Variants in ATP11A observed in about 807,000 individuals in gnomAD.
The protein encoded by ATP11A is phospholipid-transporting ATPase IH.
ATP11A carries 81 observed loss-of-function variants against 154.4 expected under a neutral mutation model. The observed-to-expected ratio is 0.52, with a 90% CI of 0.44 to 0.63. The LOEUF is 0.63. ATP11A is among the 30% of genes least tolerant of loss of function. The pLI is 0.00. For synonymous variants in ATP11A, 623 were observed against 585.9 expected, an observed-to-expected ratio of 1.06 and a Z score of -0.91; for missense variants, 1,316 against 1,474.3, an observed-to-expected ratio of 0.89 and a Z score of 1.76.
rs529050696 is a variant in ATP11A, at chr13:112,693,678, G to A, written c.39+3223G>A. On this transcript the variant is annotated intron_variant, in intron 1 of 29. Coordinates refer to ENST00000375645, the MANE Select transcript of ATP11A (RefSeq NM_015205.3). ...CTTTAAAAGCACTTCTAGGCCAGGC[G>A]CGGTGGCTCATGCCTGTAATCCCAG... 2.6e-4 allele frequency among the ~76,000 whole-genome samples: 40 copies of A among 152,224 alleles called. No individual in the cohort carries two copies. In the South Asian group the frequency reaches 7.7e-3, roughly 29 times the overall value.
At position 112,753,542 on chromosome 13, in the gene ATP11A, T is replaced by G. The variant is rs2076747677; in HGVS notation, c.40-31593T>G. On this transcript the variant is annotated intron_variant, in intron 1 of 29. Transcript: ENST00000375645. This position sits in a 1 kb window ranked among gnomAD's most constrained non-coding sequence, Gnocchi z 4.1. The stretch of plus-strand genomic sequence containing the variant: ...TTGTGGTTTTATCTTGTACTTCTCC[T>G]GCTAACAGGCAGGTTGAGAATCTTT... Among the ~76,000 whole-genome samples, 1 of 152,236 alleles carries G rather than the reference T, an allele frequency of 6.6e-6. No homozygotes were observed. The highest frequency in any genetic ancestry group is 2.1e-4 in the South Asian group (1 of 4,832).
chr13:112,756,012 A>G (rs982240614), intron 1 of ATP11A, among the ~76,000 whole-genome samples: 3 of 152,010 alleles, frequency 2.0e-5, no homozygotes, highest in African/African-American at 7.2e-5. Context: ...AACGGCACTC[A>G]GAGCGGCTCC....
At chr13:112,836,028 G>A (rs2079224933) in intron 15 of ATP11A, 150 bp from the exon 16 acceptor site, 4 of 523,812 alleles carry the variant, frequency 7.6e-6, no homozygotes, top group Admixed American at 3.5e-5. Context: ...ATCCATGGGA[G>A]GACACCCCTC....
At chr13:112,761,122 C>G (rs34618332) in intron 1 of ATP11A, among the ~76,000 whole-genome samples, 3 of 152,130 alleles carry the variant, frequency 2.0e-5, no homozygotes, top group African/African-American at 4.8e-5. Context: ...CTCCCCACCC[C>G]CCTTATGGCC....
intron 1 of ATP11A, among the ~76,000 whole-genome samples, chr13:112,695,829 C>T (rs975082156): frequency 1.3e-5 from 2 of 152,168 alleles, no homozygotes; most frequent in Non-Finnish European, 2.9e-5. Flanking sequence ...AAGTCCCAGA[C>T]TTATCAATGT....
At chr13:112,825,268 G>T (rs968038887) in intron 10 of ATP11A, among the ~76,000 whole-genome samples, 162 bp from the exon 11 acceptor site, 1 of 152,166 alleles carries the variant, frequency 6.6e-6, no homozygotes, top group African/African-American at 2.4e-5. Flanking sequence ...CCATGGCATG[G>T]ACGCAAGTGC....
intron 1 of ATP11A, among the ~76,000 whole-genome samples, chr13:112,766,410 G>A (rs1225029942): frequency 6.6e-6 from 1 of 152,184 alleles, no homozygotes; most frequent in Non-Finnish European, 1.5e-5. Flanking sequence ...CTGTGCTGGG[G>A]GGAGAAGCCC....
intron 17 of ATP11A, among the ~76,000 whole-genome samples, chr13:112,849,524 CTTG>C (rs1270536652): frequency 6.6e-6 from 1 of 152,150 alleles, no homozygotes; most frequent in African/African-American, 2.4e-5. Context: ...AAACCATTTT[CTTG>C]TTATGTAATT....
At chr13:112,789,074 C>T (rs548993308) in intron 2 of ATP11A, among the ~76,000 whole-genome samples, 1 of 151,876 alleles carries the variant, frequency 6.6e-6, no homozygotes, top group Non-Finnish European at 1.5e-5. Context: ...GATGTGTAGA[C>T]CCCTGTGTAG....
chr13:112,837,166 T>C (rs1458407312), intron 16 of ATP11A, among the ~76,000 whole-genome samples: 3 of 152,124 alleles, frequency 2.0e-5, no homozygotes, highest in African/African-American at 4.8e-5. Flanking sequence ...TGCATGGCCA[T>C]CACTTCCTAA....
chr13:112,748,615 C>T (rs183484622), intron 1 of ATP11A, among the ~76,000 whole-genome samples: 38 of 152,238 alleles, frequency 2.5e-4, no homozygotes, highest in Non-Finnish European at 4.7e-4. Context: ...ATCCATTCGC[C>T]GAGGCCTCCA....
At chr13:112,719,285 A>G (rs967965582) in intron 1 of ATP11A, among the ~76,000 whole-genome samples, 1 of 152,246 alleles carries the variant, frequency 6.6e-6, no homozygotes, top group Non-Finnish European at 1.5e-5. Context: ...CACCAGAGGC[A>G]ACACAAAAGC....
Position 112,881,723 on chromosome 13 carries a change from A to G in ATP11A, c.*10-153A>G, listed in dbSNP as rs2080889687. The G allele has an allele frequency of 5.4e-6, 7 of 1,308,166 alleles. No homozygotes were observed. In the Admixed American group the frequency reaches 8.1e-5, roughly 15 times the overall value. 81.0% of individuals were successfully genotyped at this position (1,308,166 alleles called of 1,614,324 possible). A position where few individuals can be genotyped will look rare whatever the true frequency, so the allele number is the denominator to read the frequency against. ...AGTCTAGCAGTTCCTGCAGGAGGCG[A>G]TGGTAGTGAGTGCATCCCAGAGTGG... On this transcript the variant is annotated intron_variant, in intron 29 of 29. Coordinates refer to ENST00000375645, the MANE Select transcript of ATP11A (RefSeq NM_015205.3).
chr13:112,826,522 G>A (rs531977839), intron 11 of ATP11A, among the ~76,000 whole-genome samples, 172 bp from the exon 12 acceptor site: 38 of 151,854 alleles, frequency 2.5e-4, no homozygotes, highest in African/African-American at 8.8e-4. Context: ...CAGAGACCAG[G>A]TGACCCAGTG....
At chr13:112,712,302 C>T (rs1887853140) in intron 1 of ATP11A, among the ~76,000 whole-genome samples, 1 of 152,200 alleles carries the variant, frequency 6.6e-6, no homozygotes, top group Non-Finnish European at 1.5e-5. Context: ...ACAAAACGCT[C>T]CCTCCATGGT....
At chr13:112,831,658 G>A (rs886507767) in intron 13 of ATP11A, 110 bp downstream of exon 13, 31 of 1,263,192 alleles carry the variant, frequency 2.5e-5, no homozygotes, top group Admixed American at 1.1e-4. Flanking sequence ...CCCTCTCTAC[G>A]GACTTCAGTG....
chr13:112,740,742 C>A (rs756864660), intron 1 of ATP11A, among the ~76,000 whole-genome samples: 2 of 152,178 alleles, frequency 1.3e-5, no homozygotes, highest in Non-Finnish European at 2.9e-5. Context: ...ACAGATCCCA[C>A]GGGAGGACTT....
At chr13:112,808,975 C>T (rs745703259) in intron 4 of ATP11A, among the ~76,000 whole-genome samples, 3 of 152,208 alleles carry the variant, frequency 2.0e-5, no homozygotes, top group Non-Finnish European at 2.9e-5. Context: ...GGCGTCTTCC[C>T]GCAGCCCGGG....
chr13:112,824,555 C>G (rs2078883756), intron 10 of ATP11A, 130 bp downstream of exon 10: 1 of 776,154 alleles, frequency 1.3e-6, no homozygotes, highest in African/African-American at 1.7e-5. Flanking sequence ...AACTGCAGAG[C>G]TGACCATTCA....
Sources: allele counts gnomAD v4.1 joint callset (sites outside exome capture counted in the v4.1 genomes callset), GRCh38; gene constraint gnomAD v4.1.1; non-coding constraint Gnocchi (gnomAD v3.1); transcripts MANE v1.5; gene names NCBI Gene and HGNC (gene_info 2026-07-23, HGNC 2026-07-21).